BCAR3: variants seen among roughly 807,000 people sequenced by gnomAD.
The protein encoded by BCAR3 is BCAR3 adaptor protein, NSP family member, also known as breast cancer anti-estrogen resistance protein 3.
Under a neutral mutation model 80.1 loss-of-function variants are expected in BCAR3, and 37 were observed. The observed-to-expected ratio is 0.46, with a 90% CI of 0.36 to 0.61. The LOEUF is 0.61. Among genes scored for constraint, BCAR3 ranks in the 20% least tolerant of loss-of-function variants. The pLI is 0.00. For synonymous variants in BCAR3, 389 were observed against 418.9 expected (o/e 0.93, Z 0.87); for missense variants, 978 against 1,068.2 (o/e 0.92, Z 1.18).
chr1:93,632,328 A>G (rs1011342689), intron 3 of BCAR3, among the ~76,000 whole-genome samples: 21 of 152,220 alleles, frequency 1.4e-4, no homozygotes, highest in African/African-American at 5.1e-4. Context: ...TGTCACAACT[A>G]CAGAGGCCCT....
At chr1:93,846,491 G>C (rs1484443814) in intron 1 of BCAR3, among the ~76,000 whole-genome samples, 2 of 152,140 alleles carry the variant, frequency 1.3e-5, no homozygotes, top group Admixed American at 1.3e-4. Flanking sequence ...TCGGGGTCTT[G>C]CGGATGGGGA....
At chr1:93,698,928 A>G (rs1177712003) in intron 3 of BCAR3, among the ~76,000 whole-genome samples, 1 of 152,228 alleles carries the variant, frequency 6.6e-6, no homozygotes, top group African/African-American at 2.4e-5. Context: ...CTAACAGCAC[A>G]CAACACAAGG....
At chr1:93,822,632 C>T (rs974877491) in intron 2 of BCAR3, among the ~76,000 whole-genome samples, 8 of 152,150 alleles carry the variant, frequency 5.3e-5, no homozygotes, top group Non-Finnish European at 1.2e-4. Context: ...AGCCACCATG[C>T]CCAGCCAGCA....
At chr1:93,795,425 C>A (rs1362007525) in intron 2 of BCAR3, among the ~76,000 whole-genome samples, 3 of 106,318 alleles carry the variant, frequency 2.8e-5, no homozygotes, top group Non-Finnish European at 5.3e-5. Flanking sequence ...ATTGCTGATA[C>A]CCTTTCTTCC....
At chr1:93,807,802 G>C (rs1357302463) in intron 2 of BCAR3, among the ~76,000 whole-genome samples, 2 of 152,068 alleles carry the variant, frequency 1.3e-5, no homozygotes, top group Admixed American at 1.3e-4. Context: ...TGATGCCAGA[G>C]GCAGGAGGAA....
chr1:93,709,676 A>G (rs778696297), intron 2 of BCAR3, among the ~76,000 whole-genome samples: 1 of 152,230 alleles, frequency 6.6e-6, no homozygotes, highest in Non-Finnish European at 1.5e-5. Flanking sequence ...CTCCTAGACT[A>G]GAGATGGGAA....
At chr1:93,653,514 T>C (rs1647218632) in intron 2 of BCAR3, among the ~76,000 whole-genome samples, 1 of 152,214 alleles carries the variant, frequency 6.6e-6, no homozygotes, top group Non-Finnish European at 1.5e-5. Flanking sequence ...CGCCCAGTCA[T>C]CTCCCATAGT....
chr1:93,811,410 C>G (rs538899707), intron 2 of BCAR3, among the ~76,000 whole-genome samples: 1 of 152,264 alleles, frequency 6.6e-6, no homozygotes, highest in South Asian at 2.1e-4. Flanking sequence ...TAGTATTGTC[C>G]TTGCTTTCAA....
At chr1:93,711,067 C>G (rs1650003439) in intron 2 of BCAR3, among the ~76,000 whole-genome samples, 1 of 152,178 alleles carries the variant, frequency 6.6e-6, no homozygotes, top group South Asian at 2.1e-4. Flanking sequence ...AAGCTGGCTT[C>G]TCCCAGAATG....
At chr1:93,662,642 C>T (rs1342160918) in intron 2 of BCAR3, among the ~76,000 whole-genome samples, 1 of 152,148 alleles carries the variant, frequency 6.6e-6, no homozygotes, top group Non-Finnish European at 1.5e-5. Context: ...GAATTTTCCT[C>T]ACCCCACGGA....
intron 2 of BCAR3, among the ~76,000 whole-genome samples, chr1:93,828,270 C>T (rs184172751): frequency 6.6e-6 from 1 of 151,914 alleles, no homozygotes; most frequent in East Asian, 1.9e-4. Context: ...CAACCACTGC[C>T]CTCCAGCCTG....
At chr1:93,716,558 T>G (rs1317319687) in intron 2 of BCAR3, among the ~76,000 whole-genome samples, 10 of 152,104 alleles carry the variant, frequency 6.6e-5, no homozygotes, top group Admixed American at 6.5e-4. Context: ...CTAAAAGGAT[T>G]TGGTTTCAAG....
At chr1:93,780,648 G>A (rs888131936) in intron 2 of BCAR3, among the ~76,000 whole-genome samples, 6 of 151,998 alleles carry the variant, frequency 3.9e-5, no homozygotes, top group South Asian at 2.1e-4. Context: ...CCATTTTGGG[G>A]GTGCGTTTGA....
intron 3 of BCAR3, among the ~76,000 whole-genome samples, chr1:93,595,050 AGAG>A (rs1674366184): frequency 6.6e-6 from 1 of 152,214 alleles, no homozygotes; most frequent in Non-Finnish European, 1.5e-5. Context: ...CTAATTCCTA[AGAG>A]AAGAACAGGA....
intron 3 of BCAR3, among the ~76,000 whole-genome samples, chr1:93,624,222 C>G (rs998206705): frequency 6.6e-6 from 1 of 152,188 alleles, no homozygotes; most frequent in Non-Finnish European, 1.5e-5. Context: ...TTCCAAAAGG[C>G]TTTTCTGCTA....
chr1:93,571,850 C>CA lies in BCAR3; in HGVS notation c.1803-10dup. 6.2e-7 allele frequency: 1 copy of CA among 1,609,766 alleles called. No homozygotes were observed. The highest frequency in any genetic ancestry group is 8.5e-7 in the Non-Finnish European group (1 of 1,177,518). On this transcript the variant is annotated splice_polypyrimidine_tract_variant and intron_variant, in intron 8 of 11. Transcript: ENST00000260502. ...TGGCCATTGTGTTGTGTCTGAAAGC[C>CA]AGGAGATCAGCGGTCAGGTTCAGGG... is the stretch of plus-strand genomic sequence containing the variant.
At chr1:93,746,765 C>T (rs547088525) in intron 2 of BCAR3, among the ~76,000 whole-genome samples, 67 of 152,260 alleles carry the variant, frequency 4.4e-4, no homozygotes, top group South Asian at 2.3e-3. Flanking sequence ...AACACAACTC[C>T]CACACTCCTG....
At position 93,716,877 on chromosome 1, in the gene BCAR3, GA is replaced by G. The variant is rs372344479; in HGVS notation, c.-62-10736del. On this transcript the variant is annotated intron_variant, in intron 2 of 13. Coordinates refer to the BCAR3 transcript ENST00000370244. ...GGAGATGGACATGCTCTCAGGAGCA[GA>G]GCATGCACTCAGGCAGGGAGATGCA... Among the ~76,000 whole-genome samples the G allele has an allele frequency of 1.5e-3, 235 of 152,370 alleles. 1 individual carries two copies. The highest frequency in any genetic ancestry group is 5.4e-3 in the African/African-American group (226 of 41,598).
chr1:93,583,602 G>A (rs1236100766), intron 6 of BCAR3, among the ~76,000 whole-genome samples: 1 of 152,142 alleles, frequency 6.6e-6, no homozygotes. Flanking sequence ...GAGTTGGCCT[G>A]GACAGCTGTT....
Sources: allele counts gnomAD v4.1 joint callset (sites outside exome capture counted in the v4.1 genomes callset), GRCh38; gene constraint gnomAD v4.1.1; transcripts MANE v1.5; gene names NCBI Gene and HGNC (gene_info 2026-07-23, HGNC 2026-07-21).